The following EEA1 variants were observed in gnomAD, a reference collection of about 807,000 sequenced individuals.
The protein encoded by EEA1 is early endosome antigen 1, 162kD.
A neutral mutation model predicts 209.2 loss-of-function variants in EEA1; 111 were observed. The ratio of observed to expected loss-of-function variants is 0.53; its 90% CI spans 0.45 to 0.62. The LOEUF is 0.62. Ranked by LOEUF, EEA1 falls within the 20% of genes least tolerant of loss-of-function variation. The probability of loss-of-function intolerance (pLI) is 0.00; values close to 1 mark genes in which losing one functional copy is unlikely to be tolerated. For missense variants in EEA1, 1,343 were observed against 1,530.8 expected, an observed-to-expected ratio of 0.88 and a Z score of 2.05; for synonymous variants, 536 against 540.6, an observed-to-expected ratio of 0.99 and a Z score of 0.12.
chr12:92,915,156 A>G (rs1880719515), intron 1 of EEA1, among the ~76,000 whole-genome samples: 1 of 152,150 alleles, frequency 6.6e-6, no homozygotes, highest in African/African-American at 2.4e-5. Context: ...CTCTACACAA[A>G]AAAGACCTAG....
chr12:92,853,857 G>T, intron 6 of EEA1, 58 bp downstream of exon 6: 1 of 1,491,006 alleles, frequency 6.7e-7, no homozygotes. Context: ...GAAAAAGAAA[G>T]GAAAACAAAT....
chr12:92,895,099 T>G (rs989763162), intron 1 of EEA1, among the ~76,000 whole-genome samples: 1 of 150,956 alleles, frequency 6.6e-6, no homozygotes, highest in African/African-American at 2.4e-5. Flanking sequence ...AAAGCCTAAT[T>G]AATAGCACAT....
At chr12:92,811,584 T>C (rs1364067629) in intron 16 of EEA1, 150 bp from the exon 17 acceptor site, 1 of 457,530 alleles carries the variant, frequency 2.2e-6, no homozygotes, top group Non-Finnish European at 3.6e-6. Context: ...TCAGAGGCTA[T>C]ACTTACCTAC....
At chr12:92,873,915 T>A (rs1878760589) in intron 2 of EEA1, among the ~76,000 whole-genome samples, 1 of 152,202 alleles carries the variant, frequency 6.6e-6, no homozygotes, top group Non-Finnish European at 1.5e-5. Flanking sequence ...ATCCAGGGGA[T>A]GAAAATGAGG....
rs115833849 is a variant in EEA1 at position 92,899,722 on chromosome 12, G to A, written c.25-8001C>T. On this transcript the variant is annotated intron_variant, in intron 1 of 28. Transcript: ENST00000322349. The stretch of plus-strand genomic sequence containing the variant: ...GACAAAAGGTGTTGGAAGAATTAGG[G>A]GAGAGGGTGCAGTGGGCCTCTACTT... Among the ~76,000 whole-genome samples the A allele has an allele frequency of 2.4e-3, 366 of 152,306 alleles. 3 individuals carry two copies. The highest frequency in any genetic ancestry group is 8.1e-3 in the African/African-American group (337 of 41,560).
intron 5 of EEA1, 56 bp downstream of exon 5, chr12:92,857,219 T>A: frequency 7.1e-7 from 1 of 1,402,470 alleles, no homozygotes; most frequent in Non-Finnish European, 9.6e-7. Flanking sequence ...AGTTTAGTTT[T>A]CAACAATAAA....
chr12:92,777,038 G>T, intron 27 of EEA1, 96 bp from the exon 28 acceptor site: 1 of 1,242,924 alleles, frequency 8.0e-7, no homozygotes, highest in South Asian at 1.3e-5. Flanking sequence ...ATAAAATTTT[G>T]ACTATATGAC....
chr12:92,822,322 A>T (rs972723406), intron 13 of EEA1, among the ~76,000 whole-genome samples: 1 of 152,118 alleles, frequency 6.6e-6, no homozygotes, highest in African/African-American at 2.4e-5. Flanking sequence ...TCACATTTAC[A>T]TTTCAAAAAT....
At chr12:92,780,909 A>G (rs751903883) in intron 23 of EEA1, among the ~76,000 whole-genome samples, 2 of 152,064 alleles carry the variant, frequency 1.3e-5, no homozygotes, top group Non-Finnish European at 2.9e-5. Flanking sequence ...TATAAACAAC[A>G]GTTCTTTTTC....
chr12:92,891,705 C>A lies in EEA1; in HGVS notation c.41G>T (p.Gly14Val). Residue 14 changes from glycine (G) to valine (V), a missense_variant, in exon 2 of 29, where the codon GGC (glycine) becomes GTC (valine). By Grantham distance (109) the Gly-to-Val change is moderately radical. This residue lies in a region of EEA1 where 1,307 missense variants were observed against 1,465.5 expected (regional missense o/e 0.89). Transcript: ENST00000322349. Reference protein sequence around the residue: ...RILQRTPGRVGSQGSDLDSSA... With the variant: ...RILQRTPGRVVSQGSDLDSSA... Reference sequence around the variant, plus strand: ...TGAATCTAAATCAGAACCTTGAGAGCCAACTCTCCCAGGAGTCTGGAACAC... The same window carrying A: ...TGAATCTAAATCAGAACCTTGAGAGACAACTCTCCCAGGAGTCTGGAACAC... 1.2e-6 allele frequency: 2 copies of A among 1,609,680 alleles called. No individual in the cohort carries two copies. The highest frequency in any genetic ancestry group is 1.7e-6 in the Non-Finnish European group (2 of 1,178,800).
chr12:92,902,987 T>C (rs1166428637), intron 1 of EEA1, among the ~76,000 whole-genome samples: 2 of 149,040 alleles, frequency 1.3e-5, no homozygotes, highest in African/African-American at 4.9e-5. Flanking sequence ...CAGGCTGGAG[T>C]GCAGCGGCGC....
intron 8 of EEA1, among the ~76,000 whole-genome samples, 184 bp from the exon 9 acceptor site, chr12:92,851,450 CAT>C (rs1473020548): frequency 2.6e-5 from 4 of 152,148 alleles, no homozygotes; most frequent in African/African-American, 9.7e-5. Flanking sequence ...CATCCTACCT[CAT>C]ATTTAATAGT....
chr12:92,842,058 G>A (rs759634047), intron 10 of EEA1, among the ~76,000 whole-genome samples: 12 of 152,060 alleles, frequency 7.9e-5, no homozygotes, highest in Admixed American at 3.9e-4. Flanking sequence ...TAACACAAAC[G>A]AACCTTGAGG....
chr12:92,870,287 G>T (rs947295454), intron 2 of EEA1, among the ~76,000 whole-genome samples: 9 of 152,044 alleles, frequency 5.9e-5, no homozygotes, highest in East Asian at 3.8e-4. Flanking sequence ...GGTGCAAAAG[G>T]TTGCATTATT....
intron 1 of EEA1, among the ~76,000 whole-genome samples, chr12:92,914,162 C>T (rs1880680737): frequency 6.6e-6 from 1 of 152,124 alleles, no homozygotes; most frequent in African/African-American, 2.4e-5. Context: ...CCCCTTACCA[C>T]TCACCCACCA....
intron 1 of EEA1, among the ~76,000 whole-genome samples, chr12:92,912,400 G>C (rs1450375023): frequency 6.6e-6 from 1 of 152,112 alleles, no homozygotes; most frequent in Non-Finnish European, 1.5e-5. Flanking sequence ...CACAAGCAGA[G>C]ACTTGAAAGG....
intron 21 of EEA1, among the ~76,000 whole-genome samples, chr12:92,793,225 C>A (rs1206818989): frequency 6.6e-6 from 1 of 152,170 alleles, no homozygotes; most frequent in African/African-American, 2.4e-5. Flanking sequence ...CGGCACAAGA[C>A]AAGGATGCCC....
intron 1 of EEA1, among the ~76,000 whole-genome samples, chr12:92,926,299 T>C (rs1881212489): frequency 6.6e-6 from 1 of 152,198 alleles, no homozygotes; most frequent in South Asian, 2.1e-4. Context: ...AGCCAAGGAA[T>C]GCCACATAAT....
At chr12:92,842,808 A>T (rs1422686736) in intron 9 of EEA1, among the ~76,000 whole-genome samples, 4 of 152,242 alleles carry the variant, frequency 2.6e-5, no homozygotes, top group African/African-American at 9.6e-5. Flanking sequence ...TAATACATAA[A>T]ATGAAAATCT....
Sources: allele counts gnomAD v4.1 joint callset (sites outside exome capture counted in the v4.1 genomes callset), GRCh38; gene constraint gnomAD v4.1.1; regional missense constraint gnomAD v4.1.1; transcripts MANE v1.5; gene names NCBI Gene and HGNC (gene_info 2026-07-23, HGNC 2026-07-21).